The following SH3BP4 variants were observed in gnomAD, a reference collection of about 807,000 sequenced individuals.
SH3BP4 encodes the protein SH3 domain-binding protein 4.
A neutral mutation model predicts 65.5 loss-of-function variants in SH3BP4; 33 were observed. The ratio of observed to expected loss-of-function variants is 0.50; its 90% confidence interval spans 0.38 to 0.67. The LOEUF is 0.67. Ranked by LOEUF, SH3BP4 falls within the 30% of genes least tolerant of loss-of-function variation. The probability of loss-of-function intolerance (pLI) is 0.00; values close to 1 mark genes in which losing one functional copy is unlikely to be tolerated. For synonymous variants in SH3BP4, 552 were observed against 545.5 expected (o/e 1.01, Z -0.17); for missense variants, 1,134 against 1,261.4 (o/e 0.90, Z 1.53).
chr2:235,018,252 G>GGTGCAGTTCCA (rs1161425546), intron 2 of SH3BP4, among the ~76,000 whole-genome samples: 3 of 152,098 alleles, frequency 2.0e-5, no homozygotes, highest in Non-Finnish European at 4.4e-5. Context: ...CTGGGAGTGA[G>GGTGCAGTTCCA]GTGCAGTTCC....
intron 1 of SH3BP4, among the ~76,000 whole-genome samples, chr2:234,964,880 G>C (rs896490448): frequency 6.6e-6 from 1 of 152,074 alleles, no homozygotes; most frequent in East Asian, 1.9e-4. Context: ...GGCACAGGGG[G>C]TGACCCATCC....
chr2:234,993,202 G>A (rs111637527), intron 1 of SH3BP4, among the ~76,000 whole-genome samples: 263 of 152,338 alleles, frequency 1.7e-3, no homozygotes, highest in African/African-American at 5.9e-3. Flanking sequence ...CGAAGCCCCC[G>A]TCAGAGCTGA....
intron 1 of SH3BP4, among the ~76,000 whole-genome samples, chr2:234,973,444 A>T (rs1020532138): frequency 1.3e-5 from 2 of 152,142 alleles, no homozygotes; most frequent in Non-Finnish European, 2.9e-5. Context: ...GTACAGCCTC[A>T]CTTTGCAGAA....
chr2:235,022,522 A>G (rs912560440), intron 2 of SH3BP4, among the ~76,000 whole-genome samples: 1 of 147,528 alleles, frequency 6.8e-6, no homozygotes. Context: ...CTCTGTCTCC[A>G]AAAAAAAAAA....
intron 5 of SH3BP4, 111 bp from the exon 6 acceptor site, chr2:235,053,480 TC>T (rs1696127488): frequency 4.0e-6 from 3 of 750,988 alleles, no homozygotes; most frequent in Non-Finnish European, 6.7e-6. Context: ...TGAAAGAGTG[TC>T]CCAAATAGTG....
At chr2:235,032,310 G>C (rs1453265675) in intron 2 of SH3BP4, among the ~76,000 whole-genome samples, 1 of 152,204 alleles carries the variant, frequency 6.6e-6, no homozygotes, top group Middle Eastern at 3.2e-3. Context: ...TCTCAGGCAG[G>C]AACTGTCACC....
At chr2:235,012,505 G>A (rs1468287003) in intron 2 of SH3BP4, among the ~76,000 whole-genome samples, 1 of 152,216 alleles carries the variant, frequency 6.6e-6, no homozygotes, top group African/African-American at 2.4e-5. Flanking sequence ...CTGTGTCTGA[G>A]TGGGGACAAT....
chr2:235,035,130 T>C lies in SH3BP4; in HGVS notation c.118+10T>C. On this transcript the variant is annotated intron_variant, in intron 3 of 5. Transcript: ENST00000392011. This position sits in a 1 kb window ranked among gnomAD's most constrained non-coding sequence, Gnocchi z 5.0. ...TTTAATGACATCAAAGGTGAGCTTC[T>C]GGGGAACAGGACTGTGGCTAAGGGA... 1 of 1,592,554 alleles carries C rather than the reference T, an allele frequency of 6.3e-7. No individual in the cohort carries two copies. Among genetic ancestry groups the C allele is most frequent in the Non-Finnish European group, 8.6e-7 (1 of 1,160,252 alleles).
At position 235,035,704 on chromosome 2, in the gene SH3BP4, A is replaced by T. The variant is rs962380905; in HGVS notation, c.118+584A>T. 1.4e-4 allele frequency among the ~76,000 whole-genome samples: 21 copies of T among 152,210 alleles called. No homozygotes were observed. The highest frequency in any genetic ancestry group is 4.6e-4 in the African/African-American group (19 of 41,452). On this transcript the variant is annotated intron_variant, in intron 3 of 5. Coordinates refer to ENST00000392011, the MANE Select transcript of SH3BP4 (RefSeq NM_014521.3). The surrounding 1 kb of genome is among the most constrained non-coding windows in gnomAD (Gnocchi z 5.0). ...GTGCTTTACCAACCCCTGATCTAGAAGGTGGTTCTAAAGTTTAATAACCCT... is the reference window on the plus strand; with the variant it reads ...GTGCTTTACCAACCCCTGATCTAGATGGTGGTTCTAAAGTTTAATAACCCT...
At chr2:235,038,539 A>C (rs1695534155) in intron 3 of SH3BP4, among the ~76,000 whole-genome samples, 1 of 149,830 alleles carries the variant, frequency 6.7e-6, no homozygotes, top group Non-Finnish European at 1.5e-5. Flanking sequence ...CAGATATATA[A>C]TTTCTTCATA....
chr2:235,051,989 C>T (rs575265590), intron 4 of SH3BP4, among the ~76,000 whole-genome samples: 1 of 152,304 alleles, frequency 6.6e-6, no homozygotes, highest in South Asian at 2.1e-4. Flanking sequence ...GGACATCAAA[C>T]AACAGACACC....
At position 235,026,797 on chromosome 2, in the gene SH3BP4, A is replaced by G. The variant is rs1483671914; in HGVS notation, c.-132-8074A>G. ...CCTCCTAAATTGAACTCAGTTGTTT[A>G]GGGAAATGCACCCAGAGGGGCACTG... is the stretch of plus-strand genomic sequence containing the variant. On this transcript the variant is annotated intron_variant, in intron 2 of 5. Coordinates refer to ENST00000392011, the MANE Select transcript of SH3BP4 (RefSeq NM_014521.3). The surrounding 1 kb of genome is among the most constrained non-coding windows in gnomAD (Gnocchi z 4.6). 6.6e-6 allele frequency among the ~76,000 whole-genome samples: 1 copy of G among 152,080 alleles called. No individual in the cohort carries two copies. Among genetic ancestry groups the G allele is most frequent in the Non-Finnish European group, 1.5e-5 (1 of 68,010 alleles).
At chr2:234,980,203 G>A (rs563546712) in intron 1 of SH3BP4, among the ~76,000 whole-genome samples, 13 of 152,208 alleles carry the variant, frequency 8.5e-5, no homozygotes, top group Middle Eastern at 6.8e-3. Flanking sequence ...CCCCCAGAAG[G>A]TGCCTGAAAC....
Position 235,042,434 on chromosome 2 carries a change from G to A in SH3BP4, c.1665G>A (p.Gln555=), listed in dbSNP as rs369170971. Residue 555 remains glutamine (Q), a synonymous_variant, in exon 4 of 6, where the codon CAG becomes CAA. Transcript: ENST00000392011. The surrounding 1 kb of genome is among the most constrained non-coding windows in gnomAD (Gnocchi z 7.3). ...MTNYEVKASE[Q]AKVVRGFQLK... is the part of the protein sequence containing the mutation. Reference sequence around the variant, plus strand: ...ATTACGAGGTCAAAGCCAGCGAGCAGGCCAAAGTGGTGCGAGGATTCCAGC... The same window carrying A: ...ATTACGAGGTCAAAGCCAGCGAGCAAGCCAAAGTGGTGCGAGGATTCCAGC... 2.0e-5 allele frequency: 33 copies of A among 1,614,058 alleles called. No individual in the cohort carries two copies. The highest frequency in any genetic ancestry group is 1.6e-4 in the African/African-American group (12 of 74,926).
At chr2:234,996,311 G>C (rs1159557963) in intron 2 of SH3BP4, among the ~76,000 whole-genome samples, 3 of 152,134 alleles carry the variant, frequency 2.0e-5, no homozygotes, top group African/African-American at 7.2e-5. Flanking sequence ...ACTGTTTCAG[G>C]TTTTTCTTTA....
rs370021572 is a variant in SH3BP4, at chr2:235,029,127, G to A, written c.-132-5744G>A. On this transcript the variant is annotated intron_variant, in intron 2 of 5. Coordinates refer to ENST00000392011, the MANE Select transcript of SH3BP4 (RefSeq NM_014521.3). Reference sequence around the variant, plus strand: ...AGGAGCTGATGACTGTAATTGCATCGAGAGATGACGGTGGTGTGGATGTGC... The same window carrying A: ...AGGAGCTGATGACTGTAATTGCATCAAGAGATGACGGTGGTGTGGATGTGC... 2.3e-3 allele frequency among the ~76,000 whole-genome samples: 344 copies of A among 152,362 alleles called. 2 individuals are homozygous for A. The highest frequency in any genetic ancestry group is 7.8e-3 in the African/African-American group (326 of 41,598).
chr2:235,010,728 C>G (rs138753590), intron 2 of SH3BP4, among the ~76,000 whole-genome samples: 1,949 of 151,932 alleles, frequency 0.013, 28 homozygotes, highest in Non-Finnish European at 0.017. Context: ...CTAGGAGAAC[C>G]CTTCCCCGCT....
At chr2:234,981,353 G>A (rs1398036135) in intron 1 of SH3BP4, among the ~76,000 whole-genome samples, 1 of 152,108 alleles carries the variant, frequency 6.6e-6, no homozygotes, top group African/African-American at 2.4e-5. Context: ...GTCTGGGAGT[G>A]CTTTCCTGTT....
chr2:235,002,614 T>C (rs981690807), intron 2 of SH3BP4, among the ~76,000 whole-genome samples: 4 of 152,178 alleles, frequency 2.6e-5, no homozygotes, highest in Non-Finnish European at 5.9e-5. Context: ...TATCCCCAAC[T>C]ACTCAGGAGG....
Sources: gnomAD v4.1 joint callset for allele counts (sites outside exome capture counted in the v4.1 genomes callset) on GRCh38, gnomAD v4.1.1 for gene constraint, Gnocchi (gnomAD v3.1) non-coding constraint, MANE v1.5 for transcripts, NCBI Gene and HGNC (gene_info 2026-07-23, HGNC 2026-07-21) for gene names.